The following WDR48 variants were observed in gnomAD, a reference collection of about 807,000 sequenced individuals.
WDR48 encodes WD repeat domain 48, also known as WD repeat-containing protein 48.
In WDR48, 22 loss-of-function variants were observed where a neutral mutation model predicts 94.0. The observed-to-expected ratio is 0.23, with a 90% CI of 0.17 to 0.33. WDR48 has a LOEUF of 0.33. Among genes scored for constraint, WDR48 ranks in the 10% least tolerant of loss-of-function variants. The probability of loss-of-function intolerance (pLI) is 1.00; values close to 1 mark genes in which losing one functional copy is unlikely to be tolerated. For missense variants in WDR48, 541 were observed against 813.8 expected, an observed-to-expected ratio of 0.66 and a Z score of 4.08; for synonymous variants, 278 against 280.5, an observed-to-expected ratio of 0.99 and a Z score of 0.09.
At chr3:39,057,467 C>T (rs1183977592) in intron 1 of WDR48, among the ~76,000 whole-genome samples, 4 of 152,080 alleles carry the variant, frequency 2.6e-5, no homozygotes, top group Admixed American at 2.0e-4. Context: ...TTTCTAAATA[C>T]AAGCAGGAAT....
chr3:39,081,152 A>G (rs1040163200), intron 11 of WDR48, among the ~76,000 whole-genome samples: 1 of 152,234 alleles, frequency 6.6e-6, no homozygotes, highest in South Asian at 2.1e-4. Flanking sequence ...GGTTAAATAA[A>G]TAAATAAAAA....
At chr3:39,077,565 C>A (rs1326360617) in intron 9 of WDR48, among the ~76,000 whole-genome samples, 1 of 152,218 alleles carries the variant, frequency 6.6e-6, no homozygotes, top group Non-Finnish European at 1.5e-5. Flanking sequence ...CAGGGAAACT[C>A]ACCAGGATTC....
chr3:39,052,160 G>C, intron 1 of WDR48, 87 bp downstream of exon 1: 2 of 1,547,606 alleles, frequency 1.3e-6, no homozygotes, highest in Non-Finnish European at 1.8e-6. Flanking sequence ...GCCACGACCA[G>C]CTGGGGTAGC....
chr3:39,088,159 G>A lies in WDR48; in HGVS notation c.1506G>A (p.Lys502=). The A allele has an allele frequency of 1.2e-6, 2 of 1,614,126 alleles. No individual in the cohort carries two copies. The highest frequency in any genetic ancestry group is 8.5e-7 in the Non-Finnish European group (1 of 1,180,026). Residue 502 remains lysine (K), a synonymous_variant, in exon 15 of 19, where the codon AAG becomes AAA. Coordinates refer to ENST00000302313, the MANE Select transcript of WDR48 (RefSeq NM_020839.4). ...VNGEQENRVQ[K]GNGYFQVPPH... is the part of the protein sequence containing the mutation. ...GGGAGCAGGAGAACCGAGTGCAGAA[G>A]GGAAATGGATATTTTCAAGTGCCCC...
chr3:39,052,429 GC>G (rs1445031398), intron 1 of WDR48: 1 of 232,254 alleles, frequency 4.3e-6, no homozygotes, highest in Non-Finnish European at 8.6e-6. Flanking sequence ...TGCCCTCGCT[GC>G]GTCGGAGCCG....
intron 1 of WDR48, among the ~76,000 whole-genome samples, chr3:39,055,867 T>G (rs2032843954): frequency 6.6e-6 from 1 of 152,202 alleles, no homozygotes; most frequent in South Asian, 2.1e-4. Context: ...TCGCTTAACT[T>G]GCTGCCACTT....
chr3:39,070,754 C>T (rs1246627300), intron 7 of WDR48, among the ~76,000 whole-genome samples: 1 of 146,774 alleles, frequency 6.8e-6, no homozygotes, highest in East Asian at 2.0e-4. Context: ...AGGTTAGTTA[C>T]ATATGTGTAC....
Position 39,094,800 on chromosome 3 carries a change from G to C in WDR48, c.*57G>C. 6.2e-7 allele frequency: 1 copy of C among 1,603,928 alleles called. No individual in the cohort carries two copies. Among genetic ancestry groups the C allele is most frequent in the Non-Finnish European group, 8.5e-7 (1 of 1,175,546 alleles). On this transcript the variant is annotated 3_prime_UTR_variant, in exon 19 of 19. Coordinates refer to ENST00000302313, the MANE Select transcript of WDR48 (RefSeq NM_020839.4). ...ACGACCTTCCTCTATGGCCCCAAGA[G>C]TAGTCCTAGGAAGCCCACTGATCCC... is the stretch of plus-strand genomic sequence containing the variant.
chr3:39,090,824 G>A (rs2035040934), intron 16 of WDR48: 1 of 152,140 alleles, frequency 6.6e-6, no homozygotes, highest in African/African-American at 2.4e-5. Context: ...TTTATTTTCT[G>A]TCCCGGATAT....
intron 5 of WDR48, among the ~76,000 whole-genome samples, 154 bp downstream of exon 5, chr3:39,067,029 T>C (rs1025384315): frequency 2.0e-5 from 3 of 152,352 alleles, no homozygotes; most frequent in Non-Finnish European, 4.4e-5. Flanking sequence ...AAGAGTATGA[T>C]TGAACAACAA....
rs534717594 is a variant in WDR48 at position 39,069,976 on chromosome 3, A to G, written c.672+232A>G. 3.9e-5 allele frequency among the ~76,000 whole-genome samples: 6 copies of G among 152,370 alleles called. No individual in the cohort carries two copies. The South Asian group carries it at 1.2e-3, about 32-fold the overall frequency. ...TAGAATAATTCTGATGCAGATGAGTATATGCATTTATGGTGCATAGGGGCT... is the reference window on the plus strand; with the variant it reads ...TAGAATAATTCTGATGCAGATGAGTGTATGCATTTATGGTGCATAGGGGCT... On this transcript the variant is annotated intron_variant, in intron 7 of 18. Transcript: ENST00000302313.
In WDR48 at chr3:39,069,729, C is replaced by G; in HGVS notation, c.657C>G (p.Asn219Lys). ...HTDNVKALLLNRDGTQCLSGS... is the reference protein window; with the variant it reads ...HTDNVKALLLKRDGTQCLSGS... ...ATAATGTGAAGGCATTGCTATTAAA[C>G]AGAGATGGCACGCAAGTATGCAGTT... The change falls in exon 7 of 19, where the codon AAC (asparagine) becomes AAG (lysine). Residue 219 changes from asparagine (N) to lysine (K), a missense_variant. By Grantham distance (94) the Asn-to-Lys change is moderately conservative (BLOSUM62 0). Coordinates refer to ENST00000302313, the MANE Select transcript of WDR48 (RefSeq NM_020839.4). 6.2e-7 allele frequency: 1 copy of G among 1,612,708 alleles called. No homozygotes were observed.
At chr3:39,063,232 A>G (rs1325331051) in intron 2 of WDR48, 42 bp downstream of exon 2, 1 of 1,605,230 alleles carries the variant, frequency 6.2e-7, no homozygotes, top group Admixed American at 1.7e-5. Flanking sequence ...AATTCTGGAC[A>G]AATGGCTTTT....
At chr3:39,063,697 A>G (rs1671803882) in intron 2 of WDR48, among the ~76,000 whole-genome samples, 1 of 152,026 alleles carries the variant, frequency 6.6e-6, no homozygotes, top group Non-Finnish European at 1.5e-5. Context: ...AATCCCAACA[A>G]TTTCGGAGGC....
At chr3:39,056,334 G>A (rs2032885904) in intron 1 of WDR48, among the ~76,000 whole-genome samples, 1 of 152,208 alleles carries the variant, frequency 6.6e-6, no homozygotes, top group South Asian at 2.1e-4. Context: ...CAGTTTGAAA[G>A]TTCCAGTATC....
chr3:39,089,176 T>C, intron 15 of WDR48, 55 bp from the exon 16 acceptor site: 10 of 1,516,350 alleles, frequency 6.6e-6, no homozygotes, highest in Non-Finnish European at 9.1e-6. Context: ...TTGTTGACAG[T>C]GATTTTGACA....
chr3:39,072,248 C>T (rs1025374388), intron 7 of WDR48, among the ~76,000 whole-genome samples: 3 of 152,216 alleles, frequency 2.0e-5, no homozygotes, highest in Non-Finnish European at 4.4e-5. Context: ...TTGATTGGTG[C>T]TAACATTATT....
At chr3:39,086,453 A>G (rs1018194277) in intron 14 of WDR48, 4 of 152,220 alleles carry the variant, frequency 2.6e-5, no homozygotes, top group Non-Finnish European at 4.4e-5. Flanking sequence ...TGGAATTTAA[A>G]TCTCTCACAT....
intron 10 of WDR48, among the ~76,000 whole-genome samples, chr3:39,079,029 CAAA>C (rs566314334): frequency 2.0e-4 from 20 of 101,286 alleles, no homozygotes; most frequent in East Asian, 5.3e-4. Context: ...GACTCCGTCT[CAAA>C]AAAAAAAAAA....
Sources: gnomAD v4.1 joint callset for allele counts (sites outside exome capture counted in the v4.1 genomes callset) on GRCh38, gnomAD v4.1.1 for gene constraint, MANE v1.5 for transcripts, NCBI Gene and HGNC (gene_info 2026-07-23, HGNC 2026-07-21) for gene names.